The following RUNX1T1 variants were observed in gnomAD, a reference collection of about 807,000 sequenced individuals.
RUNX1T1 encodes the protein protein CBFA2T1.
A neutral mutation model predicts 62.8 loss-of-function variants in RUNX1T1; 4 were observed. The ratio of observed to expected loss-of-function variants is 0.06; its 90% CI spans 0.03 to 0.15. RUNX1T1 has a LOEUF of 0.15. RUNX1T1 is among the 10% of genes least tolerant of loss of function. The pLI, the probability that RUNX1T1 is intolerant of heterozygous loss-of-function variation, is 1.00. For synonymous variants in RUNX1T1, 291 were observed against 286.0 expected (o/e 1.02, Z -0.18); for missense variants, 508 against 754.3 (o/e 0.67, Z 3.82).
chr8:91,984,978 G>GAAAT (rs1372618061), intron 8 of RUNX1T1, among the ~76,000 whole-genome samples: 2 of 152,152 alleles, frequency 1.3e-5, no homozygotes, highest in Non-Finnish European at 2.9e-5. Context: ...GAGATCAGCA[G>GAAAT]AAATCTACAA....
chr8:92,018,144 T>C (rs1050255461), intron 1 of RUNX1T1, among the ~76,000 whole-genome samples: 1 of 152,210 alleles, frequency 6.6e-6, no homozygotes, highest in Non-Finnish European at 1.5e-5. Flanking sequence ...AGAAATTTCC[T>C]GATTACCCAA....
chr8:91,961,483 C>T (rs1810434836), intron 10 of RUNX1T1, among the ~76,000 whole-genome samples: 2 of 152,132 alleles, frequency 1.3e-5, no homozygotes, highest in South Asian at 4.1e-4. Context: ...CAGTTGTGGG[C>T]AGTGTTTTGC....
At chr8:92,103,381 G>A (rs1207158363), upstream of RUNX1T1, 1 of 170,724 alleles carries the variant, frequency 5.9e-6, no homozygotes, top group Non-Finnish European at 1.3e-5. Flanking sequence ...GAGAGCGCCC[G>A]CATCAGGCCG....
chr8:92,076,090 T>C, exon 2 of RUNX1T1: 13 of 1,601,554 alleles, frequency 8.1e-6, no homozygotes, highest in Non-Finnish European at 1.0e-5. Flanking sequence ...TCTCTCCTTT[T>C]CTGACTGGGA....
At chr8:91,982,637 T>C (rs1178805534) in intron 8 of RUNX1T1, among the ~76,000 whole-genome samples, 1 of 152,214 alleles carries the variant, frequency 6.6e-6, no homozygotes, top group Non-Finnish European at 1.5e-5. Flanking sequence ...AAATAAGTCA[T>C]ACTTTGAAAA....
At chr8:92,086,393 C>A (rs976627121) in intron 1 of RUNX1T1, among the ~76,000 whole-genome samples, 1 of 152,178 alleles carries the variant, frequency 6.6e-6, no homozygotes, top group Admixed American at 6.5e-5. Context: ...TTCTCCTGCA[C>A]GGCCTGAGGG....
intron 5 of RUNX1T1, among the ~76,000 whole-genome samples, chr8:91,998,174 A>G (rs1028006038): frequency 6.6e-6 from 1 of 152,220 alleles, no homozygotes; most frequent in Non-Finnish European, 1.5e-5. Flanking sequence ...ATTGTTAGGA[A>G]AGAGGTGACT....
At chr8:92,059,344 C>T (rs1012939269) in intron 1 of RUNX1T1, among the ~76,000 whole-genome samples, 1 of 152,044 alleles carries the variant, frequency 6.6e-6, no homozygotes, top group African/African-American at 2.4e-5. Flanking sequence ...AGTGCATTAT[C>T]CAAATGTTCA....
At chr8:91,976,897 CTTAA>C (rs776956619) in intron 8 of RUNX1T1, among the ~76,000 whole-genome samples, 9 of 152,086 alleles carry the variant, frequency 5.9e-5, no homozygotes, top group South Asian at 2.1e-4. Flanking sequence ...TTTTATAAAA[CTTAA>C]TTAATAAGCC....
At chr8:92,032,523 C>A (rs1034518763) in intron 1 of RUNX1T1, among the ~76,000 whole-genome samples, 6 of 152,012 alleles carry the variant, frequency 3.9e-5, no homozygotes, top group African/African-American at 1.5e-4. Context: ...GCAAAATGTA[C>A]CATAAATAAA....
rs559370582 is a variant in RUNX1T1, at chr8:92,087,690, CTAAA to C, written c.-85-11557_-85-11554del. Among the ~76,000 whole-genome samples the C allele has an allele frequency of 3.3e-4, 50 of 152,242 alleles. 1 individual carries two copies. In the South Asian group the frequency reaches 7.1e-3, roughly 21 times the overall value. The stretch of plus-strand genomic sequence containing the variant: ...CAGCTTTACACATAGAAAACATTTA[CTAAA>C]TATTTATCCATGTACTTCAGATTCA... On this transcript the variant is annotated intron_variant, in intron 1 of 11. Coordinates refer to the RUNX1T1 transcript ENST00000265814.
At chr8:92,047,935 T>C (rs1209804482) in intron 1 of RUNX1T1, among the ~76,000 whole-genome samples, 2 of 152,190 alleles carry the variant, frequency 1.3e-5, no homozygotes, top group African/African-American at 2.4e-5. Flanking sequence ...AAAGGATGCA[T>C]GTCAGGGATC....
chr8:91,987,007 C>A (rs1239665647), intron 6 of RUNX1T1, 35 bp from the exon 8 acceptor site: 1 of 1,330,272 alleles, frequency 7.5e-7, no homozygotes, highest in Non-Finnish European at 1.1e-6. Context: ...AACCCTAAAG[C>A]ATTCAGTACA....
exon 11 of RUNX1T1, chr8:91,959,536 AT>A (rs34692993): frequency 7.7e-5 from 13 of 169,668 alleles, no homozygotes; most frequent in East Asian, 3.1e-4. Context: ...GTATTATGGC[AT>A]TTTTTTTTCT....
At chr8:92,076,826 A>G (rs1834498556) in intron 1 of RUNX1T1, among the ~76,000 whole-genome samples, 1 of 152,086 alleles carries the variant, frequency 6.6e-6, no homozygotes, top group Admixed American at 6.5e-5. Context: ...TTCATTCACA[A>G]TATTTATTGT....
At chr8:91,994,648 G>A (rs1182211510) in intron 5 of RUNX1T1, 1 of 501,278 alleles carries the variant, frequency 2.0e-6, no homozygotes, top group South Asian at 1.6e-5. Context: ...GGTTGGACTA[G>A]ATCAGTGGTT....
intron 5 of RUNX1T1, among the ~76,000 whole-genome samples, chr8:91,995,892 A>C (rs1818567109): frequency 6.6e-6 from 1 of 152,234 alleles, no homozygotes; most frequent in African/African-American, 2.4e-5. Context: ...GTCTACTTAC[A>C]AGGCCAGTTC....
intron 2 of RUNX1T1, among the ~76,000 whole-genome samples, chr8:92,016,458 C>T (rs1326414009): frequency 4.6e-5 from 7 of 152,116 alleles, no homozygotes; most frequent in Non-Finnish European, 1.0e-4. Context: ...GGGAGCATCA[C>T]GAGGTCGGAA....
upstream of RUNX1T1, chr8:92,063,100 T>C (rs1412281541): frequency 8.3e-6 from 3 of 362,078 alleles, no homozygotes; most frequent in East Asian, 7.6e-5. Flanking sequence ...GGGAACTGTA[T>C]TAAAAAAAAA....
Sources: allele counts gnomAD v4.1 joint callset (sites outside exome capture counted in the v4.1 genomes callset), GRCh38; gene constraint gnomAD v4.1.1; transcripts MANE v1.5; gene names NCBI Gene and HGNC (gene_info 2026-07-23, HGNC 2026-07-21).